The following SH3D19 variants were observed in gnomAD, a reference collection of about 807,000 sequenced individuals.
SH3D19 encodes the protein SH3 domain containing 19, also known as SH3 domain-containing protein 19.
Under a neutral mutation model 112.1 loss-of-function variants are expected in SH3D19, and 58 were observed. The observed-to-expected ratio is 0.52, with a 90% CI of 0.42 to 0.64. The LOEUF is 0.64. Among genes scored for constraint, SH3D19 ranks in the 30% least tolerant of loss-of-function variants. The pLI, the probability that SH3D19 is intolerant of heterozygous loss-of-function variation, is 0.00. For missense variants in SH3D19, 1,090 were observed against 1,263.4 expected, an observed-to-expected ratio of 0.86 and a Z score of 2.08; for synonymous variants, 391 against 448.5, an observed-to-expected ratio of 0.87 and a Z score of 1.62.
intron 1 of SH3D19, among the ~76,000 whole-genome samples, chr4:151,254,406 G>C (rs886701692): frequency 6.0e-5 from 9 of 149,802 alleles, no homozygotes; most frequent in African/African-American, 2.2e-4. Flanking sequence ...ATAGTGGAGG[G>C]AAGGTCAGCA....
chr4:151,258,932 GGGTGAGCCC>G (rs1772156272), intron 1 of SH3D19, among the ~76,000 whole-genome samples: 1 of 146,560 alleles, frequency 6.8e-6, no homozygotes, highest in Admixed American at 6.8e-5. Flanking sequence ...TGGGGATTTC[GGGTGAGCCC>G]CCAGAATGGG....
chr4:151,222,699 G>T (rs2149939773), intron 2 of SH3D19, among the ~76,000 whole-genome samples: 2 of 129,100 alleles, frequency 1.5e-5, no homozygotes, highest in Non-Finnish European at 1.6e-5. Flanking sequence ...TTGAGACGGA[G>T]TCTCACTCTG....
intron 2 of SH3D19, among the ~76,000 whole-genome samples, chr4:151,189,789 G>A (rs1034428824): frequency 1.3e-5 from 2 of 152,172 alleles, no homozygotes; most frequent in African/African-American, 4.8e-5. Context: ...TCAGCAGTGT[G>A]AAAACAGGCT....
At position 151,187,423 on chromosome 4, in the gene SH3D19, A is replaced by G; in HGVS notation, c.193T>C (p.Ser65Pro). The change falls in exon 3 of 20, where the codon TCT becomes CCT. Residue 65 changes from serine to proline, a missense_variant and splice_region_variant. Transcript: ENST00000604030. ...LSSIRAVIKR[S>P]SRTSIQSELH... ...ACAGAGAAGGAAAAAACAAACTTACATCTCTTGATTACCGCTCTAATGGAT... is the reference window on the plus strand; with the variant it reads ...ACAGAGAAGGAAAAAACAAACTTACGTCTCTTGATTACCGCTCTAATGGAT... 1 of 1,227,260 alleles carries G rather than the reference A, an allele frequency of 8.1e-7. No individual in the cohort carries two copies. Among genetic ancestry groups the G allele is most frequent in the Non-Finnish European group, 1.0e-6 (1 of 983,544 alleles). 76.0% of individuals were successfully genotyped at this position (1,227,260 alleles called of 1,614,324 possible).
chr4:151,148,296 C>T, intron 10 of SH3D19, 110 bp from the exon 11 acceptor site: 1 of 1,075,132 alleles, frequency 9.3e-7, no homozygotes, highest in Non-Finnish European at 1.3e-6. Context: ...CACAGAGACA[C>T]AGCTTTCTGC....
At chr4:151,231,177 T>C (rs998464048) in intron 1 of SH3D19, among the ~76,000 whole-genome samples, 1 of 152,150 alleles carries the variant, frequency 6.6e-6, no homozygotes, top group African/African-American at 2.4e-5. Context: ...TTATAAGACA[T>C]AAGATATCCA....
At chr4:151,244,199 AAACAACAACAACAAC>A (rs55872637) in intron 1 of SH3D19, among the ~76,000 whole-genome samples, 1 of 150,978 alleles carries the variant, frequency 6.6e-6, no homozygotes, top group Non-Finnish European at 1.5e-5. Flanking sequence ...CCCACATCTC[AAACAACAACAACAAC>A]AACAACAACA....
At chr4:151,220,560 T>C (rs1035781487) in intron 2 of SH3D19, among the ~76,000 whole-genome samples, 4 of 152,220 alleles carry the variant, frequency 2.6e-5, no homozygotes, top group African/African-American at 9.6e-5. Flanking sequence ...AATTTTCTAT[T>C]GGTGGCACTG....
intron 9 of SH3D19, among the ~76,000 whole-genome samples, chr4:151,156,606 A>G (rs1168370446): frequency 6.6e-6 from 1 of 152,198 alleles, no homozygotes; most frequent in African/African-American, 2.4e-5. Flanking sequence ...GGCGCTGGGG[A>G]AAACTAGATA....
intron 1 of SH3D19, among the ~76,000 whole-genome samples, chr4:151,228,479 G>A (rs975979957): frequency 6.6e-6 from 1 of 152,040 alleles, no homozygotes; most frequent in African/African-American, 2.4e-5. Flanking sequence ...ATAAATAATG[G>A]GGTGTGTGTT....
At chr4:151,189,702 C>T (rs1304182054) in intron 2 of SH3D19, among the ~76,000 whole-genome samples, 4 of 152,140 alleles carry the variant, frequency 2.6e-5, no homozygotes, top group Non-Finnish European at 1.5e-5. Flanking sequence ...CCTCTCCAGC[C>T]ATGTGGAACT....
At chr4:151,226,346 T>C (rs1768997353) in intron 1 of SH3D19, 1 of 1,131,458 alleles carries the variant, frequency 8.8e-7, no homozygotes. Context: ...TTTCATTTTA[T>C]AAGATCTTTC....
chr4:151,235,045 C>T (rs542666692), intron 1 of SH3D19, among the ~76,000 whole-genome samples: 2 of 152,280 alleles, frequency 1.3e-5, no homozygotes, highest in Admixed American at 6.5e-5. Flanking sequence ...CCATCACACC[C>T]AGCCTCCAAC....
At chr4:151,311,868 G>A (rs1358788307) in intron 1 of SH3D19, among the ~76,000 whole-genome samples, 2 of 152,114 alleles carry the variant, frequency 1.3e-5, no homozygotes, top group African/African-American at 2.4e-5. Flanking sequence ...GAGCAGAAGG[G>A]TGGTTACCAG....
chr4:151,201,309 T>C (rs1764359186), intron 2 of SH3D19, among the ~76,000 whole-genome samples: 1 of 152,242 alleles, frequency 6.6e-6, no homozygotes, highest in South Asian at 2.1e-4. Flanking sequence ...ACAGCATGCA[T>C]ACAACTTCAA....
Position 151,147,801 on chromosome 4 carries a change from C to T in SH3D19, c.2082+121G>A, listed in dbSNP as rs1754192207. 6.1e-6 allele frequency: 8 copies of T among 1,303,588 alleles called. No individual in the cohort carries two copies. In the East Asian group the frequency reaches 1.9e-4, roughly 30 times the overall value. 80.8% of individuals were successfully genotyped at this position (1,303,588 alleles called of 1,614,324 possible). On this transcript the variant is annotated intron_variant, in intron 11 of 19. Coordinates refer to ENST00000604030, the MANE Select transcript of SH3D19 (RefSeq NM_001378122.1). Reference sequence around the variant, plus strand: ...TATTATGGCCTACTCATCTAAAGCACTCTTGGCGTCAAGGGACAATTCCAC... The same window carrying T: ...TATTATGGCCTACTCATCTAAAGCATTCTTGGCGTCAAGGGACAATTCCAC...
chr4:151,180,996 A>T (rs1760842766), intron 3 of SH3D19, among the ~76,000 whole-genome samples: 1 of 136,660 alleles, frequency 7.3e-6, no homozygotes, highest in African/African-American at 2.8e-5. Context: ...GATGGTCTTG[A>T]TCTCCTGACC....
At chr4:151,233,492 T>G (rs1248257319) in intron 1 of SH3D19, among the ~76,000 whole-genome samples, 1 of 152,168 alleles carries the variant, frequency 6.6e-6, no homozygotes, top group Non-Finnish European at 1.5e-5. Flanking sequence ...TTCCTTGGCT[T>G]GTCGTCCTTT....
intron 1 of SH3D19, among the ~76,000 whole-genome samples, chr4:151,298,704 A>C (rs1353102329): frequency 2.0e-5 from 3 of 152,180 alleles, no homozygotes; most frequent in Non-Finnish European, 4.4e-5. Context: ...GCATCCAAGA[A>C]AGCACTCATG....
Sources: gnomAD v4.1 joint callset for allele counts (sites outside exome capture counted in the v4.1 genomes callset) on GRCh38, gnomAD v4.1.1 for gene constraint, MANE v1.5 for transcripts, NCBI Gene and HGNC (gene_info 2026-07-23, HGNC 2026-07-21) for gene names.